SPHKAP: variants seen among roughly 807,000 people sequenced by gnomAD.
SPHKAP encodes A-kinase anchor protein SPHKAP.
Under a neutral mutation model 137.5 loss-of-function variants are expected in SPHKAP, and 67 were observed. The ratio of observed to expected loss-of-function variants is 0.49; its 90% CI spans 0.40 to 0.60. The LOEUF is 0.60. Among genes scored for constraint, SPHKAP ranks in the 20% least tolerant of loss-of-function variants. The probability of loss-of-function intolerance (pLI) is 0.00; values close to 1 mark genes in which losing one functional copy is unlikely to be tolerated. For synonymous variants in SPHKAP, 813 were observed against 785.3 expected (o/e 1.04, Z -0.59); for missense variants, 2,097 against 2,069.3 (o/e 1.01, Z -0.26).
chr2:228,014,783 T>A (rs1450152947), intron 7 of SPHKAP, among the ~76,000 whole-genome samples: 1 of 152,212 alleles, frequency 6.6e-6, no homozygotes, highest in Non-Finnish European at 1.5e-5. Context: ...ATGAAGGCTG[T>A]GTTCAACTTG....
At chr2:228,130,466 GGAA>G (rs764883660) in intron 2 of SPHKAP, among the ~76,000 whole-genome samples, 1 of 152,098 alleles carries the variant, frequency 6.6e-6, no homozygotes, top group Non-Finnish European at 1.5e-5. Flanking sequence ...TTTCACATGA[GGAA>G]ATTGAGATAT....
At chr2:227,994,965 A>G (rs1437093500) in intron 8 of SPHKAP, among the ~76,000 whole-genome samples, 1 of 152,182 alleles carries the variant, frequency 6.6e-6, no homozygotes, top group Non-Finnish European at 1.5e-5. Context: ...CCACCTCAGC[A>G]AGGAATAGAT....
intron 3 of SPHKAP, among the ~76,000 whole-genome samples, chr2:228,067,802 A>C (rs1696876109): frequency 6.6e-6 from 1 of 152,206 alleles, no homozygotes; most frequent in Non-Finnish European, 1.5e-5. Flanking sequence ...TTAAATATAC[A>C]GTTGGTCCTC....
intron 3 of SPHKAP, among the ~76,000 whole-genome samples, chr2:228,083,065 A>G (rs886467661): frequency 6.6e-6 from 1 of 152,346 alleles, no homozygotes; most frequent in East Asian, 1.9e-4. Context: ...CAGATAATCT[A>G]TTCACTATTT....
rs150482712 is a variant in SPHKAP at position 228,173,477 on chromosome 2, G to T, written c.32+8090C>A. Reference sequence around the variant, plus strand: ...CTAGGTGACCTGATGTAATCACAAGGTTTATTAAAATTGAAGGAGGGAGGC... The same window carrying T: ...CTAGGTGACCTGATGTAATCACAAGTTTTATTAAAATTGAAGGAGGGAGGC... On this transcript the variant is annotated intron_variant, in intron 1 of 11. Coordinates refer to ENST00000392056, the MANE Select transcript of SPHKAP (RefSeq NM_001142644.2). Among the ~76,000 whole-genome samples the T allele has an allele frequency of 1.5e-3, 231 of 152,232 alleles. 1 individual carries two copies. Among genetic ancestry groups the T allele is most frequent in the African/African-American group, 5.3e-3 (219 of 41,536 alleles).
chr2:228,045,042 G>T (rs374657780), intron 3 of SPHKAP, among the ~76,000 whole-genome samples: 3 of 151,356 alleles, frequency 2.0e-5, no homozygotes, highest in Non-Finnish European at 4.4e-5. Flanking sequence ...TCAAAACCAC[G>T]ATGAGATACC....
At chr2:228,178,094 T>C (rs1700791886) in intron 1 of SPHKAP, among the ~76,000 whole-genome samples, 1 of 152,196 alleles carries the variant, frequency 6.6e-6, no homozygotes, top group Non-Finnish European at 1.5e-5. Flanking sequence ...TCCTTGCTTT[T>C]AGGCTGCCCC....
intron 1 of SPHKAP, among the ~76,000 whole-genome samples, chr2:228,166,239 T>G (rs1182578099): frequency 6.6e-6 from 1 of 152,232 alleles, no homozygotes; most frequent in African/African-American, 2.4e-5. Flanking sequence ...TATGATCTAT[T>G]AATCAACACC....
chr2:228,014,905 G>GT (rs1022263098), intron 7 of SPHKAP, among the ~76,000 whole-genome samples: 45 of 151,984 alleles, frequency 3.0e-4, no homozygotes, highest in African/African-American at 1.1e-3. Flanking sequence ...TTGTTTTCCT[G>GT]TTTTTTAAAT....
At chr2:228,170,215 T>G (rs918627854) in intron 1 of SPHKAP, among the ~76,000 whole-genome samples, 9 of 152,160 alleles carry the variant, frequency 5.9e-5, no homozygotes, top group African/African-American at 2.2e-4. Context: ...AAATAAATTT[T>G]TTTGTTTGTT....
intron 1 of SPHKAP, among the ~76,000 whole-genome samples, chr2:228,152,430 A>C (rs1451449169): frequency 6.6e-6 from 1 of 152,138 alleles, no homozygotes; most frequent in Non-Finnish European, 1.5e-5. Flanking sequence ...CCTTTTGCCC[A>C]GCTGCATGTT....
intron 3 of SPHKAP, among the ~76,000 whole-genome samples, chr2:228,039,499 A>G (rs1347928022): frequency 6.6e-6 from 1 of 152,090 alleles, no homozygotes; most frequent in Non-Finnish European, 1.5e-5. Flanking sequence ...CTTATTTATG[A>G]CTCTCTTTTC....
chr2:228,163,674 G>A (rs1247122424), intron 1 of SPHKAP, among the ~76,000 whole-genome samples: 1 of 152,152 alleles, frequency 6.6e-6, no homozygotes. Flanking sequence ...TGGCAATATA[G>A]CAACAAATAT....
At chr2:228,031,784 G>C (rs1208980088) in intron 3 of SPHKAP, among the ~76,000 whole-genome samples, 1 of 152,226 alleles carries the variant, frequency 6.6e-6, no homozygotes, top group African/African-American at 2.4e-5. Context: ...GGTCTGGAAT[G>C]GACCTCTAGC....
intron 3 of SPHKAP, among the ~76,000 whole-genome samples, chr2:228,061,730 T>C (rs917046456): frequency 2.0e-5 from 3 of 150,990 alleles, no homozygotes; most frequent in Non-Finnish European, 2.9e-5. Context: ...CCAGGAAATA[T>C]ATATATACAC....
intron 1 of SPHKAP, among the ~76,000 whole-genome samples, chr2:228,158,184 T>C (rs762125344): frequency 6.6e-6 from 1 of 152,198 alleles, no homozygotes; most frequent in Non-Finnish European, 1.5e-5. Flanking sequence ...ATGTTGACCA[T>C]ACATTCAAGC....
At chr2:228,114,402 T>G (rs2106355068) in intron 2 of SPHKAP, among the ~76,000 whole-genome samples, 1 of 152,268 alleles carries the variant, frequency 6.6e-6, no homozygotes, top group African/African-American at 2.4e-5. Context: ...ATTTTTTAAG[T>G]AATTTAAATT....
At chr2:228,142,133 T>A (rs1158108157) in intron 1 of SPHKAP, among the ~76,000 whole-genome samples, 1 of 152,046 alleles carries the variant, frequency 6.6e-6, no homozygotes, top group Non-Finnish European at 1.5e-5. Flanking sequence ...TTAAAGGCAG[T>A]CATATGAAAT....
At chr2:228,092,884 C>A (rs1048207153) in intron 3 of SPHKAP, among the ~76,000 whole-genome samples, 1 of 151,838 alleles carries the variant, frequency 6.6e-6, no homozygotes, top group Non-Finnish European at 1.5e-5. Flanking sequence ...GAGAACAATA[C>A]AGTATTCTTT....
Sources: gnomAD v4.1 joint callset for allele counts (sites outside exome capture counted in the v4.1 genomes callset) on GRCh38, gnomAD v4.1.1 for gene constraint, MANE v1.5 for transcripts, NCBI Gene and HGNC (gene_info 2026-07-23, HGNC 2026-07-21) for gene names.